Variants in SH3GL2 observed in about 807,000 individuals in gnomAD.
SH3GL2 encodes SH3 domain containing GRB2 like 2, endophilin A1.
A neutral mutation model predicts 46.0 loss-of-function variants in SH3GL2; 24 were observed. The observed-to-expected ratio is 0.52, with a 90% CI of 0.38 to 0.73. The LOEUF is 0.73. SH3GL2 is among the 30% of genes least tolerant of loss of function. The probability of loss-of-function intolerance (pLI) is 0.00; values close to 1 mark genes in which losing one functional copy is unlikely to be tolerated. For missense variants in SH3GL2, 413 were observed against 424.2 expected (o/e 0.97, Z 0.23); for synonymous variants, 196 against 147.1 (o/e 1.33, Z -2.40).
At chr9:17,726,839 G>A (rs979251653) in intron 1 of SH3GL2, among the ~76,000 whole-genome samples, 7 of 152,124 alleles carry the variant, frequency 4.6e-5, no homozygotes, top group Non-Finnish European at 1.0e-4. Flanking sequence ...AGAAATTTTG[G>A]TAAACTGCAG....
At chr9:17,789,310 A>G (rs1375416374) in intron 5 of SH3GL2, 82 bp from the exon 6 acceptor site, 6 of 1,114,102 alleles carry the variant, frequency 5.4e-6, no homozygotes, top group South Asian at 1.4e-5. Flanking sequence ...TTGGAAGTTA[A>G]TGGACGTGAT....
At chr9:17,584,638 C>T (rs2134536695) in intron 1 of SH3GL2, among the ~76,000 whole-genome samples, 1 of 152,286 alleles carries the variant, frequency 6.6e-6, no homozygotes, top group Non-Finnish European at 1.5e-5. Flanking sequence ...AATTTAGCAG[C>T]AATCAAATGT....
At chr9:17,784,786 C>T (rs1272838232) in intron 3 of SH3GL2, among the ~76,000 whole-genome samples, 1 of 152,166 alleles carries the variant, frequency 6.6e-6, no homozygotes, top group Non-Finnish European at 1.5e-5. Context: ...CATCATAGCT[C>T]ACTACCGCCT....
intron 2 of SH3GL2, among the ~76,000 whole-genome samples, chr9:17,750,377 A>G (rs1396189212): frequency 6.6e-6 from 1 of 152,016 alleles, no homozygotes; most frequent in Admixed American, 6.6e-5. Flanking sequence ...ACTGGGAGAG[A>G]GAAGTGGGTT....
chr9:17,714,082 G>A (rs1821691954), intron 1 of SH3GL2, among the ~76,000 whole-genome samples: 1 of 151,622 alleles, frequency 6.6e-6, no homozygotes, highest in African/African-American at 2.4e-5. Flanking sequence ...ACTAAGGATT[G>A]TTATATCATC....
intron 5 of SH3GL2, 38 bp downstream of exon 5, chr9:17,787,551 A>C: frequency 6.4e-7 from 1 of 1,572,194 alleles, no homozygotes; most frequent in African/African-American, 1.4e-5. Flanking sequence ...GGGCAGTTGA[A>C]ATCATACAGA....
intron 1 of SH3GL2, among the ~76,000 whole-genome samples, chr9:17,729,293 C>T (rs1178391552): frequency 1.4e-5 from 2 of 147,414 alleles, no homozygotes; most frequent in South Asian, 2.1e-4. Context: ...TTAAATCCTT[C>T]GCCCACTTTT....
chr9:17,786,575 TTGGTGC>T (rs1482676057), intron 4 of SH3GL2, 51 bp downstream of exon 4: 1 of 1,581,078 alleles, frequency 6.3e-7, no homozygotes, highest in South Asian at 1.1e-5. Context: ...CATGGGGATT[TTGGTGC>T]TGGTAAGAAA....
At chr9:17,755,950 A>G (rs1345977731) in intron 2 of SH3GL2, 8 of 169,808 alleles carry the variant, frequency 4.7e-5, no homozygotes, top group African/African-American at 9.6e-5. Flanking sequence ...AGTATCATCT[A>G]TAGATTCAGC....
intron 1 of SH3GL2, among the ~76,000 whole-genome samples, chr9:17,604,627 T>C (rs1818731491): frequency 6.6e-6 from 1 of 152,174 alleles, no homozygotes; most frequent in South Asian, 2.1e-4. Context: ...GAAGCACTTG[T>C]CTTGGTGTGG....
intron 1 of SH3GL2, among the ~76,000 whole-genome samples, chr9:17,615,027 C>G (rs1055707859): frequency 2.0e-5 from 3 of 152,202 alleles, no homozygotes; most frequent in African/African-American, 4.8e-5. Context: ...AGCATGTCCT[C>G]TCTGCTCTCA....
chr9:17,769,372 C>T (rs927405275), intron 3 of SH3GL2, among the ~76,000 whole-genome samples: 1 of 152,160 alleles, frequency 6.6e-6, no homozygotes, highest in Non-Finnish European at 1.5e-5. Flanking sequence ...CACTATACTG[C>T]CTTTTTCCAT....
chr9:17,607,706 G>C (rs1212526548), intron 1 of SH3GL2, among the ~76,000 whole-genome samples: 1 of 152,156 alleles, frequency 6.6e-6, no homozygotes, highest in Non-Finnish European at 1.5e-5. Flanking sequence ...GTCTGCAATT[G>C]TATTTTTGAC....
intron 1 of SH3GL2, among the ~76,000 whole-genome samples, chr9:17,738,619 T>G (rs10963242): frequency 1.6e-5 from 2 of 122,008 alleles, no homozygotes; most frequent in Non-Finnish European, 3.5e-5. Flanking sequence ...AATTGCCTCA[T>G]GTGATTTTAT....
At chr9:17,618,725 C>T (rs1255017318) in intron 1 of SH3GL2, among the ~76,000 whole-genome samples, 1 of 151,826 alleles carries the variant, frequency 6.6e-6, no homozygotes, top group Non-Finnish European at 1.5e-5. Context: ...ACTTTGGTCC[C>T]CAAAGGTTTC....
At chr9:17,754,498 C>T (rs535164243) in intron 2 of SH3GL2, among the ~76,000 whole-genome samples, 1 of 151,876 alleles carries the variant, frequency 6.6e-6, no homozygotes, top group Non-Finnish European at 1.5e-5. Flanking sequence ...ATGGTGAAAC[C>T]CTGACTCTAC....
chr9:17,663,159 G>GT (rs1820264646), intron 1 of SH3GL2, among the ~76,000 whole-genome samples: 1 of 152,144 alleles, frequency 6.6e-6, no homozygotes, highest in Non-Finnish European at 1.5e-5. Context: ...ATTTTCTAGA[G>GT]TAACTCATCA....
chr9:17,699,629 T>C (rs961120148), intron 1 of SH3GL2, among the ~76,000 whole-genome samples: 1 of 152,224 alleles, frequency 6.6e-6, no homozygotes, highest in Non-Finnish European at 1.5e-5. Context: ...TAGCCCCTCT[T>C]GGCTGTCCAG....
chr9:17,749,372 G>T (rs187146217), intron 2 of SH3GL2, among the ~76,000 whole-genome samples: 176 of 152,220 alleles, frequency 1.2e-3, no homozygotes, highest in African/African-American at 3.8e-3. Context: ...CGCTTCATTT[G>T]AACAGCCCAT....
Sources: allele counts gnomAD v4.1 joint callset (sites outside exome capture counted in the v4.1 genomes callset), GRCh38; gene constraint gnomAD v4.1.1; transcripts MANE v1.5; gene names NCBI Gene and HGNC (gene_info 2026-07-23, HGNC 2026-07-21).